EXOSC10: variants seen among roughly 807,000 people sequenced by gnomAD.
EXOSC10 encodes the protein exosome component 10, also known as exosome complex component 10.
In EXOSC10, 94 loss-of-function variants were observed where a neutral mutation model predicts 126.6. The ratio of observed to expected loss-of-function variants is 0.74; its 90% CI spans 0.63 to 0.88. The LOEUF (loss-of-function observed/expected upper bound fraction) is 0.88. Among genes scored for constraint, EXOSC10 ranks in the 40% least tolerant of loss-of-function variants. The probability of loss-of-function intolerance (pLI) is 0.00; values close to 1 mark genes in which losing one functional copy is unlikely to be tolerated. For synonymous variants in EXOSC10, 395 were observed against 400.8 expected (o/e 0.99, Z 0.17); for missense variants, 1,041 against 1,100.5 (o/e 0.95, Z 0.77).
In EXOSC10 at chr1:11,072,076, G is replaced by T. The variant is rs1049127901; in HGVS notation, c.2242+11C>A. On this transcript the variant is annotated intron_variant, in intron 20 of 24. Coordinates refer to ENST00000376936, the MANE Select transcript of EXOSC10 (RefSeq NM_001001998.3). ...TAACAGCCGACTGAGTTGCAAGGAA[G>T]TGAGTGTTACCTGTTTGCTCAGCTG... The T allele has an allele frequency of 2.6e-5, 42 of 1,607,144 alleles. No individual in the cohort carries two copies. The highest frequency in any genetic ancestry group is 3.3e-5 in the Non-Finnish European group (39 of 1,175,916).
chr1:11,084,874 T>C (rs1243744765), intron 9 of EXOSC10, among the ~76,000 whole-genome samples: 5 of 152,236 alleles, frequency 3.3e-5, no homozygotes. Context: ...CACCATTTAT[T>C]AAATAGGGAA....
At chr1:11,068,320 G>A (rs998302957) in intron 23 of EXOSC10, among the ~76,000 whole-genome samples, 2 of 152,238 alleles carry the variant, frequency 1.3e-5, no homozygotes, top group Non-Finnish European at 2.9e-5. Context: ...CAGCCACGCT[G>A]TTTCCCTGGC....
chr1:11,099,847 G>C lies in EXOSC10; in HGVS notation c.-16C>G. 6.3e-7 allele frequency: 1 copy of C among 1,589,862 alleles called. No homozygotes were observed. The highest frequency in any genetic ancestry group is 1.1e-5 in the South Asian group (1 of 89,080). On this transcript the variant is annotated 5_prime_UTR_variant, in exon 1 of 25. Coordinates refer to ENST00000376936, the MANE Select transcript of EXOSC10 (RefSeq NM_001001998.3). ...GTGGCGCCATTTTTTCAGCCTGCAC[G>C]GCTCGTCTCGCGAGAGCTTGTCGGC... is the stretch of plus-strand genomic sequence containing the variant.
chr1:11,079,396 C>CT (rs553168628), intron 14 of EXOSC10, among the ~76,000 whole-genome samples: 9,370 of 131,522 alleles, frequency 0.071, 629 homozygotes, highest in African/African-American at 0.15. Flanking sequence ...AGTAGAAAAT[C>CT]TTTTTTTTTT....
chr1:11,091,379 A>G, intron 4 of EXOSC10, 114 bp downstream of exon 4: 1 of 1,018,554 alleles, frequency 9.8e-7, no homozygotes, highest in Non-Finnish European at 1.4e-6. Context: ...AACAAACTAA[A>G]GGAGACAGTG....
chr1:11,099,521 A>G (rs1641310792), intron 1 of EXOSC10, among the ~76,000 whole-genome samples, 200 bp downstream of exon 1: 1 of 152,208 alleles, frequency 6.6e-6, no homozygotes, highest in Admixed American at 6.5e-5. Flanking sequence ...TTAGGCTCGC[A>G]AGCGGGACGC....
rs148142542 is a variant in EXOSC10, at chr1:11,091,497, C to T, written c.473G>A (p.Arg158His). 92 of 1,613,482 alleles carry T rather than the reference C, an allele frequency of 5.7e-5. No homozygotes were observed. In the East Asian group the frequency reaches 8.5e-4, roughly 15 times the overall value. The change falls in exon 4 of 25, where the codon CGT becomes CAT. Residue 158 changes from arginine (R) to histidine (H), a missense_variant. Physicochemically the swap from Arg to His is conservative, Grantham distance 29. This residue lies in a region of EXOSC10 where 645 missense variants were observed against 656.3 expected (regional missense o/e 0.98). Transcript: ENST00000376936. ...GTTAATCTGAAAAGCCCTCACCTTA[C>T]GGTTCCAGCTGGACACTACCGTTTT... ...VPKTVVSSWN[R>H]KAAEYGKKAK...
chr1:11,069,502 C>T (rs1639327532), intron 22 of EXOSC10, 57 bp downstream of exon 22: 1 of 1,568,624 alleles, frequency 6.4e-7, no homozygotes, highest in African/African-American at 1.4e-5. Flanking sequence ...CTCTTTATGG[C>T]TTCCTCCCCT....
intron 9 of EXOSC10, among the ~76,000 whole-genome samples, chr1:11,084,555 T>C (rs925895918): frequency 1.3e-5 from 2 of 152,214 alleles, no homozygotes; most frequent in African/African-American, 4.8e-5. Context: ...TTGCGAAGAT[T>C]TTCTCCCATT....
intron 7 of EXOSC10, 97 bp downstream of exon 7, chr1:11,088,026 G>T: frequency 1.6e-6 from 2 of 1,279,748 alleles, no homozygotes; most frequent in Non-Finnish European, 2.2e-6. Context: ...CTCCCTTAAA[G>T]ATCTTCAAGG....
Position 11,077,671 on chromosome 1 carries a change from G to T in EXOSC10, c.1750-20C>A. Reference sequence around the variant, plus strand: ...TTCAGACTAAGGAAAAAAACGAAGGGAATTGAGGAAAGTTGCCCAAGCACC... The same window carrying T: ...TTCAGACTAAGGAAAAAAACGAAGGTAATTGAGGAAAGTTGCCCAAGCACC... On this transcript the variant is annotated intron_variant, in intron 14 of 24. Coordinates refer to ENST00000376936, the MANE Select transcript of EXOSC10 (RefSeq NM_001001998.3). The T allele has an allele frequency of 6.3e-7, 1 of 1,598,818 alleles. No homozygotes were observed. Among genetic ancestry groups the T allele is most frequent in the Non-Finnish European group, 8.6e-7 (1 of 1,168,954 alleles).
intron 24 of EXOSC10, among the ~76,000 whole-genome samples, chr1:11,067,216 G>T (rs886155402): frequency 6.6e-6 from 1 of 152,174 alleles, no homozygotes; most frequent in Non-Finnish European, 1.5e-5. Flanking sequence ...CGGATCACAA[G>T]GTCAGGAGAT....
intron 19 of EXOSC10, among the ~76,000 whole-genome samples, chr1:11,073,519 C>T (rs975053762): frequency 3.9e-5 from 6 of 152,180 alleles, no homozygotes; most frequent in Admixed American, 1.3e-4. Context: ...TTCATTTTCA[C>T]GGGATTCACA....
At chr1:11,096,196 C>T (rs961750354) in intron 2 of EXOSC10, among the ~76,000 whole-genome samples, 2 of 152,004 alleles carry the variant, frequency 1.3e-5, no homozygotes, top group African/African-American at 4.8e-5. Context: ...GTTGGCCAGG[C>T]TGCTCTCGAA....
At position 11,091,489 on chromosome 1, in the gene EXOSC10, T is replaced by A. The variant is rs1640802687; in HGVS notation, c.477+4A>T. The A allele has an allele frequency of 6.2e-7, 1 of 1,612,846 alleles. No homozygotes were observed. Among genetic ancestry groups the A allele is most frequent in the Non-Finnish European group, 8.5e-7 (1 of 1,179,054 alleles). Reference sequence around the variant, plus strand: ...GAGCTCTAGTTAATCTGAAAAGCCCTCACCTTACGGTTCCAGCTGGACACT... The same window carrying A: ...GAGCTCTAGTTAATCTGAAAAGCCCACACCTTACGGTTCCAGCTGGACACT... On this transcript the variant is annotated splice_donor_region_variant and intron_variant, in intron 4 of 24. Coordinates refer to ENST00000376936, the MANE Select transcript of EXOSC10 (RefSeq NM_001001998.3).
At chr1:11,079,547 C>T (rs767303146) in intron 14 of EXOSC10, among the ~76,000 whole-genome samples, 164 bp downstream of exon 14, 2 of 151,352 alleles carry the variant, frequency 1.3e-5, no homozygotes, top group Non-Finnish European at 2.9e-5. Flanking sequence ...GCGTGCACCA[C>T]ACGCCTGGCT....
chr1:11,073,422 A>T (rs1020340988), intron 19 of EXOSC10, among the ~76,000 whole-genome samples: 1 of 152,010 alleles, frequency 6.6e-6, no homozygotes, highest in Non-Finnish European at 1.5e-5. Flanking sequence ...GTGAGCCACC[A>T]TGCCCAGCCC....
chr1:11,069,260 G>T (rs2791654), intron 22 of EXOSC10, among the ~76,000 whole-genome samples: 1 of 118,766 alleles, frequency 8.4e-6, no homozygotes, highest in African/African-American at 2.7e-5. Context: ...AGAGAGAGAG[G>T]GTTTATGGGC....
chr1:11,095,830 T>G lies in EXOSC10; in HGVS notation c.300A>C (p.Arg100=), dbSNP rs1352820927. ...YHGCRSNIKD[R]SKVTELEDKF... is the part of the protein sequence containing the mutation. Reference sequence around the variant, plus strand: ...TGTCTTCCAGCTCAGTCACTTTACTTCGATCCTTAATGTTGCTGCGACACC... The same window carrying G: ...TGTCTTCCAGCTCAGTCACTTTACTGCGATCCTTAATGTTGCTGCGACACC... Residue 100 remains arginine, a synonymous_variant, in exon 3 of 25, where the codon CGA becomes CGC. Coordinates refer to ENST00000376936, the MANE Select transcript of EXOSC10 (RefSeq NM_001001998.3). The G allele has an allele frequency of 1.2e-6, 2 of 1,613,998 alleles. No homozygotes were observed. The highest frequency in any genetic ancestry group is 1.3e-5 in the African/African-American group (1 of 74,942).
Sources: gnomAD v4.1 joint callset for allele counts (sites outside exome capture counted in the v4.1 genomes callset) on GRCh38, gnomAD v4.1.1 for gene constraint, gnomAD v4.1.1 regional missense constraint, MANE v1.5 for transcripts, NCBI Gene and HGNC (gene_info 2026-07-23, HGNC 2026-07-21) for gene names.